Variants in CDH13 observed in about 807,000 individuals in gnomAD.
CDH13 encodes the protein cadherin 13.
Under a neutral mutation model 63.8 loss-of-function variants are expected in CDH13, and 24 were observed. The ratio of observed to expected loss-of-function variants is 0.38; its 90% CI spans 0.27 to 0.53. CDH13 has a LOEUF of 0.53. CDH13 is among the 20% of genes least tolerant of loss of function. The pLI, the probability that CDH13 is intolerant of heterozygous loss-of-function variation, is 0.85. For synonymous variants in CDH13, 503 were observed against 355.3 expected (o/e 1.42, Z -4.67); for missense variants, 1,049 against 903.1 (o/e 1.16, Z -2.07).
At chr16:83,055,086 T>G (rs2030778595) in intron 3 of CDH13, among the ~76,000 whole-genome samples, 1 of 152,014 alleles carries the variant, frequency 6.6e-6, no homozygotes, top group African/African-American at 2.4e-5. Flanking sequence ...GTTGAAATAT[T>G]CCATGGGTAA....
At position 82,958,146 on chromosome 16, in the gene CDH13, T is replaced by C. The variant is rs138315674; in HGVS notation, c.158-73864T>C. ...CTAAAATCCCAATTCTACCCATTCCTGGCTGTCAGATCTTGGAAAAGATTC... is the reference window on the plus strand; with the variant it reads ...CTAAAATCCCAATTCTACCCATTCCCGGCTGTCAGATCTTGGAAAAGATTC... On this transcript the variant is annotated intron_variant, in intron 2 of 13. Coordinates refer to ENST00000567109, the MANE Select transcript of CDH13 (RefSeq NM_001257.5). 2.1e-4 allele frequency among the ~76,000 whole-genome samples: 32 copies of C among 152,338 alleles called. No homozygotes were observed. The East Asian group carries it at 5.6e-3, about 27-fold the overall frequency.
intron 1 of CDH13, among the ~76,000 whole-genome samples, chr16:82,646,500 CAT>C (rs1244955404): frequency 4.6e-5 from 7 of 152,140 alleles, no homozygotes; most frequent in Admixed American, 2.6e-4. Flanking sequence ...GGCCTAAGCA[CAT>C]GACTTTTAAT....
chr16:83,355,376 C>T (rs2091032391), intron 6 of CDH13, among the ~76,000 whole-genome samples: 1 of 152,058 alleles, frequency 6.6e-6, no homozygotes, highest in African/African-American at 2.4e-5. Context: ...AAGTATAAAC[C>T]AGAATCTACC....
rs560816161 is a variant in CDH13, at chr16:83,567,891, G to A, written c.961-34563G>A. On this transcript the variant is annotated intron_variant, in intron 7 of 13. Coordinates refer to ENST00000567109, the MANE Select transcript of CDH13 (RefSeq NM_001257.5). ...ATTACAGGCATGAGCCACCACGCCC[G>A]GCCTAGACACAAGTTTTAACCCTGT... is the stretch of plus-strand genomic sequence containing the variant. Among the ~76,000 whole-genome samples the A allele has an allele frequency of 4.0e-3, 611 of 152,234 alleles. 2 individuals are homozygous for A. The highest frequency in any genetic ancestry group is 0.013 in the African/African-American group (551 of 41,520).
intron 8 of CDH13, among the ~76,000 whole-genome samples, chr16:83,650,049 C>T (rs1414034644): frequency 6.6e-6 from 1 of 152,166 alleles, no homozygotes; most frequent in East Asian, 1.9e-4. Context: ...CCCATTGAGA[C>T]AGCCCCAAGG....
intron 1 of CDH13, among the ~76,000 whole-genome samples, chr16:82,847,048 C>G (rs1286785283): frequency 6.6e-6 from 1 of 152,158 alleles, no homozygotes; most frequent in Non-Finnish European, 1.5e-5. Context: ...CCTTCCTTCC[C>G]CACCTCGCCT....
At chr16:83,142,024 T>C (rs1252554296) in intron 4 of CDH13, among the ~76,000 whole-genome samples, 1 of 152,168 alleles carries the variant, frequency 6.6e-6, no homozygotes, top group South Asian at 2.1e-4. Flanking sequence ...GATGTACCAG[T>C]ACAAGTTTCC....
At chr16:83,767,100 A>G (rs1349179245) in intron 11 of CDH13, among the ~76,000 whole-genome samples, 1 of 152,206 alleles carries the variant, frequency 6.6e-6, no homozygotes, top group African/African-American at 2.4e-5. Flanking sequence ...CTGTGGCAAG[A>G]CCAGGGATCC....
rs67917262 is a variant in CDH13 at position 83,035,918 on chromosome 16, G to A, written c.366+3700G>A. ...AGCAATGACCAACACTGATGCTTACGTAATACTTACTATGTGCTAAACCCT... is the reference window on the plus strand; with the variant it reads ...AGCAATGACCAACACTGATGCTTACATAATACTTACTATGTGCTAAACCCT... On this transcript the variant is annotated intron_variant, in intron 3 of 13. Coordinates refer to ENST00000567109, the MANE Select transcript of CDH13 (RefSeq NM_001257.5). Among the ~76,000 whole-genome samples the A allele has an allele frequency of 3.1e-3, 479 of 152,240 alleles. 1 individual carries two copies. The highest frequency in any genetic ancestry group is 5.4e-3 in the Non-Finnish European group (368 of 68,020).
chr16:83,783,668 TC>T (rs1915687492), intron 13 of CDH13, among the ~76,000 whole-genome samples, 196 bp downstream of exon 13: 1 of 152,190 alleles, frequency 6.6e-6, no homozygotes, highest in Non-Finnish European at 1.5e-5. Context: ...ATCTTAACAA[TC>T]CCTGCCAGCC....
intron 8 of CDH13, among the ~76,000 whole-genome samples, chr16:83,629,867 C>G (rs1910627386): frequency 6.6e-6 from 1 of 152,220 alleles, no homozygotes; most frequent in African/African-American, 2.4e-5. Context: ...TTGGCAGATG[C>G]AGGGGAAGAG....
chr16:83,535,664 CA>C (rs1447152881), intron 7 of CDH13, among the ~76,000 whole-genome samples: 2 of 152,096 alleles, frequency 1.3e-5, no homozygotes, highest in Admixed American at 1.3e-4. Context: ...CAGTCCTGGA[CA>C]GGTTAATTAA....
At chr16:83,699,486 G>A (rs992326180) in intron 10 of CDH13, among the ~76,000 whole-genome samples, 53 of 152,292 alleles carry the variant, frequency 3.5e-4, no homozygotes, top group Admixed American at 3.5e-3. Flanking sequence ...AGGAAGCCTT[G>A]ACTTTCCAGA....
intron 4 of CDH13, among the ~76,000 whole-genome samples, chr16:83,140,180 A>G (rs1303956459): frequency 6.6e-6 from 1 of 152,146 alleles, no homozygotes; most frequent in African/African-American, 2.4e-5. Context: ...ACATTCCAAC[A>G]AGCCTCCTGG....
intron 2 of CDH13, among the ~76,000 whole-genome samples, chr16:82,916,213 T>C (rs761214697): frequency 6.6e-6 from 1 of 152,014 alleles, no homozygotes; most frequent in Admixed American, 6.6e-5. Context: ...GCTGCGGAAA[T>C]AGGTTAACCC....
At chr16:82,928,683 C>T (rs985682690) in intron 2 of CDH13, among the ~76,000 whole-genome samples, 2 of 152,108 alleles carry the variant, frequency 1.3e-5, no homozygotes, top group East Asian at 1.9e-4. Context: ...CCCCAAGTTT[C>T]AGTAATTTAC....
At chr16:82,680,874 C>A (rs904563453) in intron 1 of CDH13, among the ~76,000 whole-genome samples, 2 of 152,106 alleles carry the variant, frequency 1.3e-5, no homozygotes, top group African/African-American at 2.4e-5. Flanking sequence ...GGCCATAAAG[C>A]GAGGGAGCTG....
chr16:83,232,577 C>T (rs1013837414), intron 5 of CDH13, among the ~76,000 whole-genome samples: 4 of 151,574 alleles, frequency 2.6e-5, no homozygotes, highest in Non-Finnish European at 2.9e-5. Flanking sequence ...AGTGTGGCAC[C>T]TCCCTTCCCC....
At chr16:83,313,632 C>G (rs149361855) in intron 5 of CDH13, among the ~76,000 whole-genome samples, 6 of 145,698 alleles carry the variant, frequency 4.1e-5, no homozygotes, top group African/African-American at 1.3e-4. Flanking sequence ...TCTCAAGAAC[C>G]CTTACCATTG....
Sources: gnomAD v4.1 joint callset for allele counts (sites outside exome capture counted in the v4.1 genomes callset) on GRCh38, gnomAD v4.1.1 for gene constraint, MANE v1.5 for transcripts, NCBI Gene and HGNC (gene_info 2026-07-23, HGNC 2026-07-21) for gene names.